Variants in ABHD1 observed in about 807,000 individuals in gnomAD.
ABHD1 encodes abhydrolase domain containing 1.
ABHD1 carries 47 observed loss-of-function variants against 41.4 expected under a neutral mutation model. The observed-to-expected ratio is 1.13, with a 90% CI of 0.90 to 1.45. ABHD1 has a LOEUF of 1.45. Among genes scored for constraint, ABHD1 ranks in the 40% most tolerant of loss-of-function variants. ABHD1 has a pLI of 0.00. For missense variants in ABHD1, 550 were observed against 503.4 expected, an observed-to-expected ratio of 1.09 and a Z score of -0.89; for synonymous variants, 205 against 203.7, an observed-to-expected ratio of 1.01 and a Z score of -0.05.
At chr2:27,124,501 C>T (rs546268980) in intron 1 of ABHD1, 11 of 354,400 alleles carry the variant, frequency 3.1e-5, no homozygotes, top group Non-Finnish European at 6.1e-5. Context: ...TGGCTGAGGT[C>T]AGAACTGGCC....
In ABHD1 at chr2:27,130,260, A is replaced by G; in HGVS notation, c.850A>G (p.Ile284Val). ...ATGGTAAGACCTGCAGGCCCGTACAATCCGCCAGTTTGATGAGCGCTACAC... is the reference window on the plus strand; with the variant it reads ...ATGGTAAGACCTGCAGGCCCGTACAGTCCGCCAGTTTGATGAGCGCTACAC... ...DIDFVLQART[I>V]RQFDERYTSV... The change falls in exon 8 of 9, where the codon ATC (isoleucine) becomes GTC (valine). Residue 284 changes from isoleucine to valine, a missense_variant. Coordinates refer to ENST00000316470, the MANE Select transcript of ABHD1 (RefSeq NM_032604.4). The G allele has an allele frequency of 6.2e-7, 1 of 1,614,158 alleles. No individual in the cohort carries two copies. The highest frequency in any genetic ancestry group is 2.2e-5 in the East Asian group (1 of 44,880).
rs115289202 is a variant in ABHD1 at position 27,123,831 on chromosome 2, T to C, written c.-118T>C. The C allele has an allele frequency of 3.9e-3, 3,157 of 819,464 alleles. 79 individuals carry two copies. The African/African-American group carries it at 0.049, about 13-fold the overall frequency. 50.8% of individuals were successfully genotyped at this position (819,464 alleles called of 1,614,324 possible). A position where few individuals can be genotyped will look rare whatever the true frequency, so the allele number is the denominator to read the frequency against. On this transcript the variant is annotated 5_prime_UTR_variant, in exon 1 of 9. Transcript: ENST00000316470. Reference sequence around the variant, plus strand: ...GGCGGGGCCAGCAGCGCAAACTGCCTGCAGCGGGGACCGGACCTGCACAGG... The same window carrying C: ...GGCGGGGCCAGCAGCGCAAACTGCCCGCAGCGGGGACCGGACCTGCACAGG...
Position 27,130,213 on chromosome 2 carries a change from C to G in ABHD1, c.841-38C>G, listed in dbSNP as rs1471110631. Reference sequence around the variant, plus strand: ...ATGAGTCTTCCACTATCTTCCTATTCTTTATCATCTTAGCCTATCCTATGG... The same window carrying G: ...ATGAGTCTTCCACTATCTTCCTATTGTTTATCATCTTAGCCTATCCTATGG... On this transcript the variant is annotated intron_variant, in intron 7 of 8. Coordinates refer to ENST00000316470, the MANE Select transcript of ABHD1 (RefSeq NM_032604.4). 3.7e-6 allele frequency: 6 copies of G among 1,614,130 alleles called. No individual in the cohort carries two copies. The East Asian group carries it at 8.9e-5, about 24-fold the overall frequency.
rs751924271 is a variant in ABHD1, at chr2:27,129,077, G to A, written c.408G>A (p.Gln136=). ...LLLPGITGSS[Q]ETYVLHLVNQ... ...TTCCTGGCATCACTGGCAGTAGCCAGGAGACATACGTCTTGCACCTAGTTA... is the reference window on the plus strand; with the variant it reads ...TTCCTGGCATCACTGGCAGTAGCCAAGAGACATACGTCTTGCACCTAGTTA... Residue 136 remains glutamine (Q), a synonymous_variant, in exon 3 of 9, where the codon CAG becomes CAA. Transcript: ENST00000316470. 6.2e-7 allele frequency: 1 copy of A among 1,614,016 alleles called. No homozygotes were observed. The highest frequency in any genetic ancestry group is 2.2e-5 in the East Asian group (1 of 44,888).
rs978821322 is a variant in ABHD1 at position 27,123,881 on chromosome 2, G to T, written c.-68G>T. 3 of 1,344,724 alleles carry T rather than the reference G, an allele frequency of 2.2e-6. No individual in the cohort carries two copies. The African/African-American group carries it at 4.3e-5, about 19-fold the overall frequency. 83.3% of individuals were successfully genotyped at this position (1,344,724 alleles called of 1,614,324 possible). ...GCCGCCTATGGCGGGCGGCGGGTGG[G>T]ACCGCGAGTTACAGCCGGCCAACTG... is the stretch of plus-strand genomic sequence containing the variant. On this transcript the variant is annotated 5_prime_UTR_variant, in exon 1 of 9. Transcript: ENST00000316470.
rs1289000268 is a variant in ABHD1, at chr2:27,130,700, C to A, written c.1174C>A (p.Pro392Thr). 1 of 1,614,224 alleles carries A rather than the reference C, an allele frequency of 6.2e-7. No homozygotes were observed. Among genetic ancestry groups the A allele is most frequent in the Admixed American group, 1.7e-5 (1 of 60,028 alleles). Residue 392 changes from proline (P) to threonine (T), a missense_variant, in exon 9 of 9, where the codon CCT becomes ACT. Physicochemically the swap from Pro to Thr is conservative, Grantham distance 38. Coordinates refer to ENST00000316470, the MANE Select transcript of ABHD1 (RefSeq NM_032604.4). ...KAIFQDPEGL[P>T]DLRALLPSED... ...CATCTTCCAGGACCCAGAGGGGCTG[C>A]CTGACCTCAGGGCTCTCTTACCTTC...
intron 1 of ABHD1, chr2:27,126,870 G>A (rs1671977052): frequency 6.6e-6 from 1 of 151,846 alleles, no homozygotes; most frequent in Admixed American, 6.6e-5. Flanking sequence ...GGGAGGCCGA[G>A]GTGGGCGGAT....
At position 27,129,370 on chromosome 2, in the gene ABHD1, C is replaced by A. The variant is rs1672120956; in HGVS notation, c.504+9C>A. 6.2e-7 allele frequency: 1 copy of A among 1,613,976 alleles called. No homozygotes were observed. Among genetic ancestry groups the A allele is most frequent in the African/African-American group, 1.3e-5 (1 of 74,900 alleles). On this transcript the variant is annotated intron_variant, in intron 4 of 8. Coordinates refer to ENST00000316470, the MANE Select transcript of ABHD1 (RefSeq NM_032604.4). ...GTGGGGAGGAACTGCGGGTGAGTAG[C>A]TGCCTTCCTCATAGCAGCCCTTCAC...
At position 27,129,994 on chromosome 2, in the gene ABHD1, A is replaced by G. The variant is rs1672159608; in HGVS notation, c.791+67A>G. The G allele has an allele frequency of 5.6e-6, 9 of 1,610,848 alleles. No homozygotes were observed. In the Admixed American group the frequency reaches 1.5e-4, roughly 27 times the overall value. On this transcript the variant is annotated intron_variant, in intron 6 of 8. Coordinates refer to ENST00000316470, the MANE Select transcript of ABHD1 (RefSeq NM_032604.4). ...GATGGCAGACACTCCAGGCTCTCCT[A>G]GTGCTTGGTCAGTTCTCTCTGGGCT...
At position 27,124,124 on chromosome 2, in the gene ABHD1, G is replaced by A. The variant is rs539496364; in HGVS notation, c.114+62G>A. ...GGTGTAGGGGGCAGCTTCCAGACAC[G>A]GGCTTGGGCCCTTGGTGGGAACTGG... On this transcript the variant is annotated intron_variant, in intron 1 of 8. Coordinates refer to ENST00000316470, the MANE Select transcript of ABHD1 (RefSeq NM_032604.4). 7 of 1,478,812 alleles carry A rather than the reference G, an allele frequency of 4.7e-6. 1 individual carries two copies. The East Asian group carries it at 6.8e-5, about 14-fold the overall frequency. 91.6% of individuals were successfully genotyped at this position (1,478,812 alleles called of 1,614,324 possible). A position where few individuals can be genotyped will look rare whatever the true frequency, so the allele number is the denominator to read the frequency against.
rs758036174 is a variant in ABHD1 at position 27,130,396 on chromosome 2, AC to A, written c.990del (p.Phe331SerfsTer43). The A allele has an allele frequency of 6.2e-7, 1 of 1,613,866 alleles. No homozygotes were observed. The highest frequency in any genetic ancestry group is 8.5e-7 in the Non-Finnish European group (1 of 1,179,970). ...IPVLYLSAAD[D>X]PFSPVCALPI... ...GTGCTCTATCTCAGTGCAGCAGATG[AC>A]CCCTTCTCCCCCGTCTGTGGTGAGT... On this transcript the variant is annotated frameshift_variant, in exon 8 of 9. Coordinates refer to ENST00000316470, the MANE Select transcript of ABHD1 (RefSeq NM_032604.4). LOFTEE classifies it low-confidence loss of function (END_TRUNC).
In ABHD1 at chr2:27,128,591, C is replaced by A. The variant is rs1672074714; in HGVS notation, c.265C>A (p.Leu89Ile). 2.5e-6 allele frequency: 4 copies of A among 1,614,084 alleles called. No homozygotes were observed. Among genetic ancestry groups the A allele is most frequent in the Non-Finnish European group, 3.4e-6 (4 of 1,180,022 alleles). Reference protein sequence around the residue: ...QVLLQSQPLVLYQSDILQTPD... With the variant: ...QVLLQSQPLVIYQSDILQTPD... ...CCTCCTGCAGTCTCAGCCCCTAGTCCTTTATCAGAGGTAAGAAGGGACAGA... is the reference window on the plus strand; with the variant it reads ...CCTCCTGCAGTCTCAGCCCCTAGTCATTTATCAGAGGTAAGAAGGGACAGA... Residue 89 changes from leucine (L) to isoleucine (I), a missense_variant, in exon 2 of 9, where the codon CTT (leucine) becomes ATT (isoleucine). By Grantham distance (5) the Leu-to-Ile change is conservative. Coordinates refer to ENST00000316470, the MANE Select transcript of ABHD1 (RefSeq NM_032604.4).
Position 27,129,542 on chromosome 2 carries a change from C to T in ABHD1, c.533C>T (p.Thr178Ile), listed in dbSNP as rs754705659. 6.2e-7 allele frequency: 1 copy of T among 1,614,184 alleles called. No individual in the cohort carries two copies. The highest frequency in any genetic ancestry group is 1.1e-5 in the South Asian group (1 of 91,082). The change falls in exon 5 of 9, where the codon ACT (threonine) becomes ATT (isoleucine). Residue 178 changes from threonine (T) to isoleucine (I), a missense_variant. Thr to Ile is a moderately conservative substitution (Grantham distance 89). Transcript: ENST00000316470. Reference protein sequence around the residue: ...RTHRAFCASNTEDLETVVNHI... With the variant: ...RTHRAFCASNIEDLETVVNHI... ...CACAGGGCTTTTTGTGCCAGCAATACTGAAGATCTAGAGACAGTCGTGAAC... is the reference window on the plus strand; with the variant it reads ...CACAGGGCTTTTTGTGCCAGCAATATTGAAGATCTAGAGACAGTCGTGAAC...
intron 1 of ABHD1, chr2:27,125,627 C>T (rs1206156242): frequency 1.3e-5 from 2 of 152,158 alleles, no homozygotes; most frequent in African/African-American, 4.8e-5. Flanking sequence ...CAGCCGAGCA[C>T]AGTGGCTCAT....
chr2:27,127,855 C>T (rs1442111464), intron 1 of ABHD1, among the ~76,000 whole-genome samples: 1 of 151,994 alleles, frequency 6.6e-6, no homozygotes, highest in Non-Finnish European at 1.5e-5. Flanking sequence ...CGACTGCGCC[C>T]GGCCGGCTTC....
intron 1 of ABHD1, 119 bp from the exon 2 acceptor site, chr2:27,128,322 A>G: frequency 1.6e-6 from 2 of 1,241,178 alleles, no homozygotes; most frequent in Non-Finnish European, 2.3e-6. Context: ...ACATGCAGAC[A>G]AAGCAGGGTC....
At chr2:27,124,467 T>C (rs1033825326) in intron 1 of ABHD1, 5 of 359,008 alleles carry the variant, frequency 1.4e-5, no homozygotes, top group Non-Finnish European at 2.7e-5. Context: ...AATAGCTTAG[T>C]AGGACCTCCC....
rs1671847071 is a variant in ABHD1, at chr2:27,123,965, T to C, written c.17T>C (p.Leu6Pro). The change falls in exon 1 of 9, where the codon CTG (leucine) becomes CCG (proline). Residue 6 changes from leucine to proline, a missense_variant. Physicochemically the swap from Leu to Pro is moderately conservative, Grantham distance 98. Transcript: ENST00000316470. The part of the protein sequence containing the change: MLSSF[L>P]SPQNGTWADT... Reference sequence around the variant, plus strand: ...CAACACAAGATGCTGAGCTCCTTCCTGAGCCCCCAGAATGGCACCTGGGCA... The same window carrying C: ...CAACACAAGATGCTGAGCTCCTTCCCGAGCCCCCAGAATGGCACCTGGGCA... 6.2e-7 allele frequency: 1 copy of C among 1,614,118 alleles called. No homozygotes were observed.
In ABHD1 at chr2:27,123,846, A is replaced by G; in HGVS notation, c.-103A>G. 1.0e-6 allele frequency: 1 copy of G among 981,414 alleles called. No homozygotes were observed. Among genetic ancestry groups the G allele is most frequent in the Admixed American group, 1.9e-5 (1 of 53,658 alleles). 60.8% of individuals were successfully genotyped at this position (981,414 alleles called of 1,614,324 possible). Reference sequence around the variant, plus strand: ...GCAAACTGCCTGCAGCGGGGACCGGACCTGCACAGGCCGCCTATGGCGGGC... The same window carrying G: ...GCAAACTGCCTGCAGCGGGGACCGGGCCTGCACAGGCCGCCTATGGCGGGC... On this transcript the variant is annotated 5_prime_UTR_variant, in exon 1 of 9. Coordinates refer to ENST00000316470, the MANE Select transcript of ABHD1 (RefSeq NM_032604.4).
Sources: allele counts gnomAD v4.1 joint callset (sites outside exome capture counted in the v4.1 genomes callset), GRCh38; gene constraint gnomAD v4.1.1; transcripts MANE v1.5; gene names NCBI Gene and HGNC (gene_info 2026-07-23, HGNC 2026-07-21).